Variants in DAB1 observed in about 807,000 individuals in gnomAD.
DAB1 encodes the protein DAB adaptor protein 1.
In DAB1, 15 loss-of-function variants were observed where a neutral mutation model predicts 64.6. That is an observed-to-expected ratio of 0.23 (90% CI 0.16 to 0.36). The LOEUF is 0.36. DAB1 is among the 10% of genes least tolerant of loss of function. The probability of loss-of-function intolerance (pLI) is 1.00; values close to 1 mark genes in which losing one functional copy is unlikely to be tolerated. For missense variants in DAB1, 596 were observed against 706.7 expected, an observed-to-expected ratio of 0.84 and a Z score of 1.78; for synonymous variants, 235 against 251.9, an observed-to-expected ratio of 0.93 and a Z score of 0.64.
chr1:57,627,920 C>T (rs1645942725), intron 7 of DAB1, among the ~76,000 whole-genome samples: 1 of 141,240 alleles, frequency 7.1e-6, no homozygotes, highest in Non-Finnish European at 1.6e-5. Flanking sequence ...TCTCCTTGCA[C>T]TACTTCCTGG....
intron 13 of DAB1, 59 bp from the exon 14 acceptor site, chr1:57,010,849 A>G: frequency 7.9e-7 from 1 of 1,263,994 alleles, no homozygotes; most frequent in Non-Finnish European, 1.1e-6. Flanking sequence ...TGAAAATATA[A>G]GACACCTGGA....
intron 6 of DAB1, among the ~76,000 whole-genome samples, chr1:57,741,868 A>G (rs1176154663): frequency 6.6e-6 from 1 of 152,220 alleles, no homozygotes; most frequent in African/African-American, 2.4e-5. Context: ...TGATGAAGTT[A>G]ATATACAAGT....
rs568921240 is a variant in DAB1 at position 57,080,735 on chromosome 1, AAC to A, written c.307-8323_307-8322del. ...GCATATTTTGTTAAAGAGAAGTTAC[AAC>A]ACACACACACACACACACGCACACA... On this transcript the variant is annotated intron_variant, in intron 4 of 14. Transcript: ENST00000371236. Among the ~76,000 whole-genome samples, 108 of 141,914 alleles carry A rather than the reference AAC, an allele frequency of 7.6e-4. 1 individual carries two copies. The highest frequency in any genetic ancestry group is 3.9e-3 in the Middle Eastern group (1 of 258). The allele number at this position is 141,914 out of a possible 152,430, so 93.1% of individuals were successfully genotyped here.
chr1:57,901,352 G>A (rs972632999), intron 5 of DAB1, among the ~76,000 whole-genome samples: 5 of 152,240 alleles, frequency 3.3e-5, no homozygotes, highest in African/African-American at 1.2e-4. Context: ...GTGTTCATTA[G>A]CGAGCTCCCC....
At chr1:58,350,937 C>T (rs1644049755) in intron 3 of DAB1, among the ~76,000 whole-genome samples, 1 of 152,130 alleles carries the variant, frequency 6.6e-6, no homozygotes, top group Admixed American at 6.6e-5. Context: ...CTTGGCTATG[C>T]AGGCTCTTTT....
At chr1:57,878,423 C>T (rs1365844086) in intron 1 of DAB1, 2 of 152,066 alleles carry the variant, frequency 1.3e-5, no homozygotes, top group Non-Finnish European at 2.9e-5. Flanking sequence ...AGCATTTTTC[C>T]TGGAAAGGCT....
chr1:57,144,395 T>A (rs80115070), intron 3 of DAB1, among the ~76,000 whole-genome samples: 4,112 of 152,116 alleles, frequency 0.027, 213 homozygotes, highest in African/African-American at 0.095. Flanking sequence ...TTTGTATATT[T>A]AAAAAATTTC....
At chr1:57,023,138 C>G (rs1469151284) in intron 11 of DAB1, among the ~76,000 whole-genome samples, 1 of 152,230 alleles carries the variant, frequency 6.6e-6, no homozygotes, top group Non-Finnish European at 1.5e-5. Context: ...CAGACCCCTT[C>G]TATCCATCAG....
intron 6 of DAB1, among the ~76,000 whole-genome samples, chr1:57,655,846 TG>T (rs921938579): frequency 2.0e-5 from 3 of 152,262 alleles, no homozygotes; most frequent in African/African-American, 7.2e-5. Context: ...TAACAACTTT[TG>T]TTGAAGAACC....
At chr1:58,487,493 TTAA>T (rs1410828803) in intron 3 of DAB1, among the ~76,000 whole-genome samples, 1 of 152,206 alleles carries the variant, frequency 6.6e-6, no homozygotes, top group Non-Finnish European at 1.5e-5. Flanking sequence ...AATCAGAAAC[TTAA>T]TAACATACCT....
intron 2 of DAB1, among the ~76,000 whole-genome samples, chr1:57,241,463 A>T (rs1668489540): frequency 6.6e-6 from 1 of 152,196 alleles, no homozygotes; most frequent in South Asian, 2.1e-4. Context: ...GGCACAAAAT[A>T]GACCATCAGC....
intron 5 of DAB1, among the ~76,000 whole-genome samples, chr1:57,984,543 T>C (rs1646164922): frequency 6.6e-6 from 1 of 152,204 alleles, no homozygotes; most frequent in African/African-American, 2.4e-5. Flanking sequence ...TTCCAGCAAA[T>C]TAAGCAGTAG....
At chr1:57,200,194 G>T (rs144670170) in intron 2 of DAB1, among the ~76,000 whole-genome samples, 1 of 152,196 alleles carries the variant, frequency 6.6e-6, no homozygotes, top group African/African-American at 2.4e-5. Flanking sequence ...CCTTTTCAGA[G>T]ATATGGTTCT....
intron 5 of DAB1, among the ~76,000 whole-genome samples, chr1:58,062,490 C>T (rs1239731041): frequency 2.6e-5 from 4 of 152,246 alleles, no homozygotes; most frequent in Non-Finnish European, 5.9e-5. Context: ...GCTATTCCAG[C>T]TTCCAAGACC....
intron 1 of DAB1, among the ~76,000 whole-genome samples, chr1:58,540,650 T>C (rs140269828): frequency 1.2e-3 from 177 of 148,392 alleles, no homozygotes; most frequent in African/African-American, 4.2e-3. Flanking sequence ...AAATAAAGAT[T>C]TGTGACTTTG....
intron 9 of DAB1, among the ~76,000 whole-genome samples, chr1:57,040,412 A>G (rs1647604910): frequency 1.3e-5 from 2 of 152,200 alleles, no homozygotes; most frequent in Non-Finnish European, 2.9e-5. Flanking sequence ...ACAGACACAG[A>G]GCTCTCTAGA....
chr1:57,405,632 A>G (rs111677595), intron 1 of DAB1, among the ~76,000 whole-genome samples: 8 of 152,342 alleles, frequency 5.3e-5, no homozygotes, highest in African/African-American at 1.9e-4. Flanking sequence ...CCAAAGACCT[A>G]CATGAGTCCA....
At chr1:57,977,541 C>G (rs72922542) in intron 5 of DAB1, among the ~76,000 whole-genome samples, 7,564 of 152,246 alleles carry the variant, frequency 0.05, 352 homozygotes, top group East Asian at 0.12. Flanking sequence ...CTGCCACTTA[C>G]TAATCAATAG....
chr1:57,810,759 T>C (rs1331774477), intron 6 of DAB1, among the ~76,000 whole-genome samples: 1 of 152,230 alleles, frequency 6.6e-6, no homozygotes, highest in Non-Finnish European at 1.5e-5. Context: ...TGAAGTTGCC[T>C]GCTTACAACT....
Sources: gnomAD v4.1 joint callset for allele counts (sites outside exome capture counted in the v4.1 genomes callset) on GRCh38, gnomAD v4.1.1 for gene constraint, MANE v1.5 for transcripts, NCBI Gene and HGNC (gene_info 2026-07-23, HGNC 2026-07-21) for gene names.